Variants in THSD7B observed in about 807,000 individuals in gnomAD.
The protein encoded by THSD7B is thrombospondin type 1 domain containing 7B.
A neutral mutation model predicts 213.6 loss-of-function variants in THSD7B; 138 were observed. That is an observed-to-expected ratio of 0.65 (90% CI 0.56 to 0.74). THSD7B has a LOEUF of 0.74. THSD7B is among the 30% of genes least tolerant of loss of function. The pLI, the probability that THSD7B is intolerant of heterozygous loss-of-function variation, is 0.00. For synonymous variants in THSD7B, 742 were observed against 687.0 expected, an observed-to-expected ratio of 1.08 and a Z score of -1.25; for missense variants, 1,931 against 1,991.5, an observed-to-expected ratio of 0.97 and a Z score of 0.58.
intron 1 of THSD7B, among the ~76,000 whole-genome samples, chr2:136,774,099 GT>G (rs1320514987): frequency 2.0e-5 from 3 of 151,872 alleles, no homozygotes; most frequent in Non-Finnish European, 4.4e-5. Context: ...CACCCTTCTT[GT>G]TTCCAGCCTA....
chr2:137,213,355 T>C (rs1183381693), intron 7 of THSD7B, among the ~76,000 whole-genome samples: 1 of 116,962 alleles, frequency 8.5e-6, no homozygotes, highest in Non-Finnish European at 1.8e-5. Context: ...ATGTTATATA[T>C]ATTTATAATA....
intron 15 of THSD7B, among the ~76,000 whole-genome samples, chr2:137,459,006 ATGT>A (rs1490525397): frequency 1.3e-5 from 2 of 152,136 alleles, no homozygotes; most frequent in Non-Finnish European, 2.9e-5. Flanking sequence ...CTGTCCAGAC[ATGT>A]TGTAACAAGT....
At chr2:137,556,217 A>G (rs1465571556) in intron 15 of THSD7B, among the ~76,000 whole-genome samples, 1 of 152,206 alleles carries the variant, frequency 6.6e-6, no homozygotes, top group Non-Finnish European at 1.5e-5. Flanking sequence ...CTTCGAGAAG[A>G]GCAACTCCCA....
chr2:137,224,224 G>A (rs1414884226), intron 7 of THSD7B, among the ~76,000 whole-genome samples: 1 of 152,110 alleles, frequency 6.6e-6, no homozygotes, highest in Non-Finnish European at 1.5e-5. Context: ...TACAGAATTC[G>A]TTTACTAAAG....
At chr2:137,481,609 T>C (rs1377648078) in intron 15 of THSD7B, among the ~76,000 whole-genome samples, 1 of 152,248 alleles carries the variant, frequency 6.6e-6, no homozygotes, top group Non-Finnish European at 1.5e-5. Flanking sequence ...TGTTGTGATA[T>C]TGCAAAAGCA....
intron 2 of THSD7B, among the ~76,000 whole-genome samples, chr2:136,923,945 T>A (rs1398830328): frequency 1.3e-5 from 2 of 152,136 alleles, no homozygotes; most frequent in African/African-American, 4.8e-5. Flanking sequence ...AACATGGAAG[T>A]CTTTAAGTTT....
At chr2:137,419,196 C>T (rs561646394) in intron 14 of THSD7B, among the ~76,000 whole-genome samples, 354 of 151,744 alleles carry the variant, frequency 2.3e-3, no homozygotes, top group African/African-American at 8.1e-3. Context: ...GCATGAACCA[C>T]CATGCCCAGC....
chr2:137,447,545 G>C (rs1687566113), intron 14 of THSD7B, among the ~76,000 whole-genome samples: 1 of 151,952 alleles, frequency 6.6e-6, no homozygotes, highest in Non-Finnish European at 1.5e-5. Context: ...CTTTTACTGT[G>C]TATCTAATAG....
Position 136,902,935 on chromosome 2 carries a change from G to A in THSD7B, c.139+20618G>A, listed in dbSNP as rs59787955. ...ATGCCAAGAATGACCAGTGTTACAA[G>A]CTGGTCCAGCATAGAGGCATTTTGA... On this transcript the variant is annotated intron_variant, in intron 2 of 27. Coordinates refer to ENST00000409968, the MANE Select transcript of THSD7B (RefSeq NM_001316349.2). 4.8e-3 allele frequency among the ~76,000 whole-genome samples: 736 copies of A among 152,330 alleles called. 9 individuals are homozygous for A. Among genetic ancestry groups the A allele is most frequent in the African/African-American group, 0.017 (697 of 41,562 alleles).
intron 15 of THSD7B, among the ~76,000 whole-genome samples, chr2:137,479,730 G>A (rs1175548151): frequency 6.6e-6 from 1 of 152,194 alleles, no homozygotes; most frequent in African/African-American, 2.4e-5. Context: ...GGGAATATCA[G>A]TAGGACTTCA....
chr2:137,052,180 G>A (rs997953839), intron 2 of THSD7B, among the ~76,000 whole-genome samples: 2 of 152,170 alleles, frequency 1.3e-5, no homozygotes, highest in Non-Finnish European at 2.9e-5. Flanking sequence ...GTTAATGTGT[G>A]ATGTGGCTTA....
At chr2:137,509,891 A>G (rs1180887974) in intron 15 of THSD7B, among the ~76,000 whole-genome samples, 1 of 152,130 alleles carries the variant, frequency 6.6e-6, no homozygotes, top group Admixed American at 6.5e-5. Context: ...TTTCTTTAAT[A>G]CATTTCATTT....
intron 5 of THSD7B, among the ~76,000 whole-genome samples, chr2:137,148,358 A>T (rs1359635616): frequency 6.6e-6 from 1 of 152,138 alleles, no homozygotes; most frequent in Non-Finnish European, 1.5e-5. Flanking sequence ...TAGCAGCATG[A>T]GAATGGACTA....
intron 1 of THSD7B, 106 bp from the exon 2 acceptor site, chr2:136,882,038 A>C: frequency 1.3e-6 from 1 of 799,956 alleles, no homozygotes; most frequent in Non-Finnish European, 1.8e-6. Flanking sequence ...CTTCATGCTA[A>C]TGAAAAACTT....
At chr2:137,176,317 A>C (rs1376020300) in intron 7 of THSD7B, among the ~76,000 whole-genome samples, 1 of 152,212 alleles carries the variant, frequency 6.6e-6, no homozygotes, top group East Asian at 1.9e-4. Flanking sequence ...TAAGATGTGC[A>C]TTTTAGAAAG....
intron 2 of THSD7B, among the ~76,000 whole-genome samples, chr2:136,917,528 T>G (rs540194301): frequency 1.3e-5 from 2 of 152,218 alleles, no homozygotes; most frequent in African/African-American, 4.8e-5. Context: ...GCTCAGTGCT[T>G]AAGTAGTATG....
chr2:137,148,620 A>G (rs1679754819), intron 5 of THSD7B, among the ~76,000 whole-genome samples: 1 of 152,208 alleles, frequency 6.6e-6, no homozygotes, highest in Non-Finnish European at 1.5e-5. Flanking sequence ...AATAAAGTCC[A>G]GGCTGAGGTG....
intron 4 of THSD7B, among the ~76,000 whole-genome samples, chr2:137,113,830 C>T (rs1448395613): frequency 6.6e-6 from 1 of 151,818 alleles, no homozygotes; most frequent in Non-Finnish European, 1.5e-5. Context: ...ATTCATAAGC[C>T]TAGGGAAAAA....
intron 7 of THSD7B, among the ~76,000 whole-genome samples, chr2:137,195,234 GTATATA>G (rs148274457): frequency 6.8e-6 from 1 of 146,014 alleles, no homozygotes; most frequent in Non-Finnish European, 1.5e-5. Context: ...ATGTATGTGT[GTATATA>G]TATATATATA....
Sources: gnomAD v4.1 joint callset for allele counts (sites outside exome capture counted in the v4.1 genomes callset) on GRCh38, gnomAD v4.1.1 for gene constraint, MANE v1.5 for transcripts, NCBI Gene and HGNC (gene_info 2026-07-23, HGNC 2026-07-21) for gene names.